Variants in MIPOL1 observed in about 807,000 individuals in gnomAD.
MIPOL1 encodes mirror-image polydactyly gene 1 protein.
In MIPOL1, 57 loss-of-function variants were observed where a neutral mutation model predicts 60.9. The ratio of observed to expected loss-of-function variants is 0.94; its 90% CI spans 0.76 to 1.17. The LOEUF is 1.17. Among genes scored for constraint, MIPOL1 ranks in the 50% most tolerant of loss-of-function variants. MIPOL1 has a pLI of 0.00. For synonymous variants in MIPOL1, 179 were observed against 168.8 expected, an observed-to-expected ratio of 1.06 and a Z score of -0.47; for missense variants, 551 against 511.6, an observed-to-expected ratio of 1.08 and a Z score of -0.74.
intron 11 of MIPOL1, among the ~76,000 whole-genome samples, chr14:37,474,877 A>G (rs2094745708): frequency 6.6e-6 from 1 of 152,178 alleles, no homozygotes; most frequent in South Asian, 2.1e-4. Flanking sequence ...CTCTGATGAC[A>G]TGTTGAGCCT....
chr14:37,226,132 T>C (rs1969690892), intron 1 of MIPOL1, among the ~76,000 whole-genome samples: 1 of 152,186 alleles, frequency 6.6e-6, no homozygotes, highest in Non-Finnish European at 1.5e-5. Flanking sequence ...TCTAGGAAGC[T>C]CAAAACTTTC....
intron 11 of MIPOL1, among the ~76,000 whole-genome samples, chr14:37,434,196 T>C (rs2094125199): frequency 6.6e-6 from 1 of 152,152 alleles, no homozygotes; most frequent in South Asian, 2.1e-4. Context: ...CAGCCTCTGT[T>C]GTTTCCTGGC....
At chr14:37,483,446 A>G (rs778502334) in intron 11 of MIPOL1, among the ~76,000 whole-genome samples, 2 of 152,098 alleles carry the variant, frequency 1.3e-5, no homozygotes, top group South Asian at 4.1e-4. Flanking sequence ...AAAGAAAAAA[A>G]TATTTTTCAT....
At chr14:37,299,450 A>G (rs949546928) in intron 7 of MIPOL1, among the ~76,000 whole-genome samples, 14 of 72,618 alleles carry the variant, frequency 1.9e-4, no homozygotes, top group African/African-American at 5.8e-4. Flanking sequence ...AATAAAAAAA[A>G]ATTAAAAAAA....
chr14:37,460,977 A>T (rs914438930), intron 11 of MIPOL1, among the ~76,000 whole-genome samples: 1 of 152,212 alleles, frequency 6.6e-6, no homozygotes, highest in Non-Finnish European at 1.5e-5. Flanking sequence ...TACCAGCATC[A>T]TATTTCACAG....
chr14:37,244,426 C>T (rs1415561857), intron 1 of MIPOL1, among the ~76,000 whole-genome samples: 1 of 151,888 alleles, frequency 6.6e-6, no homozygotes, highest in Admixed American at 6.6e-5. Flanking sequence ...CCGCCACTTC[C>T]TTTTTTATAT....
At chr14:37,428,442 T>G (rs2094003619) in intron 11 of MIPOL1, among the ~76,000 whole-genome samples, 1 of 151,968 alleles carries the variant, frequency 6.6e-6, no homozygotes, top group African/African-American at 2.4e-5. Flanking sequence ...AATACAAAAT[T>G]TAGCAAGGCA....
intron 11 of MIPOL1, among the ~76,000 whole-genome samples, chr14:37,485,229 T>A (rs2094929392): frequency 6.6e-6 from 1 of 152,214 alleles, no homozygotes; most frequent in Non-Finnish European, 1.5e-5. Flanking sequence ...ATCCAGTCTA[T>A]CACTGATGGG....
chr14:37,519,055 A>G (rs1488727353), intron 12 of MIPOL1, among the ~76,000 whole-genome samples: 1 of 152,196 alleles, frequency 6.6e-6, no homozygotes, highest in Non-Finnish European at 1.5e-5. Context: ...ATGTAGAGAG[A>G]ATGATACAAT....
intron 2 of MIPOL1, among the ~76,000 whole-genome samples, 194 bp from the exon 3 acceptor site, chr14:37,247,635 C>A (rs368004234): frequency 6.6e-6 from 1 of 152,004 alleles, no homozygotes; most frequent in East Asian, 1.9e-4. Flanking sequence ...TACTAAAATA[C>A]AAGTGTGAAG....
In MIPOL1 at chr14:37,285,865, T is replaced by C. The variant is rs1399167703; in HGVS notation, c.623+418T>C. Among the ~76,000 whole-genome samples, 3 of 152,238 alleles carry C rather than the reference T, an allele frequency of 2.0e-5. No homozygotes were observed. In the South Asian group the frequency reaches 6.2e-4, roughly 32 times the overall value. On this transcript the variant is annotated intron_variant, in intron 7 of 12. Coordinates refer to ENST00000684589, the MANE Select transcript of MIPOL1 (RefSeq NM_001388067.1). The stretch of plus-strand genomic sequence containing the variant: ...CCTTAGCCTCCCTCAGTGCTGAGAT[T>C]AGAGGCATGAGCCACCGCGCCCGGC...
chr14:37,483,338 C>G (rs1352897440), intron 11 of MIPOL1, among the ~76,000 whole-genome samples: 2 of 152,086 alleles, frequency 1.3e-5, no homozygotes, highest in African/African-American at 4.8e-5. Flanking sequence ...TGGTCTCAAA[C>G]TCCTGGGCTC....
chr14:37,540,624 T>C (rs373089903), intron 12 of MIPOL1, among the ~76,000 whole-genome samples: 2 of 152,276 alleles, frequency 1.3e-5, no homozygotes, highest in African/African-American at 4.8e-5. Context: ...TTTCCCTCCT[T>C]CTGCTTTTGT....
chr14:37,513,958 T>G (rs180771411), intron 12 of MIPOL1, among the ~76,000 whole-genome samples: 1 of 152,320 alleles, frequency 6.6e-6, no homozygotes, highest in East Asian at 1.9e-4. Flanking sequence ...CTTTTGGTTT[T>G]TATTAATGCC....
chr14:37,500,243 T>G, intron 12 of MIPOL1, 105 bp downstream of exon 12: 2 of 831,708 alleles, frequency 2.4e-6, no homozygotes, highest in Middle Eastern at 2.6e-4. Context: ...GTTAATAGTT[T>G]AGAACAAAAG....
intron 10 of MIPOL1, chr14:37,396,865 T>C (rs2093381426): frequency 6.6e-6 from 1 of 152,186 alleles, no homozygotes; most frequent in Non-Finnish European, 1.5e-5. Flanking sequence ...TCCTTGAATA[T>C]TTCTCCCTTC....
At position 37,495,719 on chromosome 14, in the gene MIPOL1, A is replaced by G. The variant is rs1026053664; in HGVS notation, c.1032-4189A>G. Among the ~76,000 whole-genome samples the G allele has an allele frequency of 6.2e-5, 9 of 144,806 alleles. No homozygotes were observed. The East Asian group carries it at 1.7e-3, about 27-fold the overall frequency. 95.0% of individuals were successfully genotyped at this position (144,806 alleles called of 152,430 possible). ...AGGAATCGCCACACTGTCTTCCACA[A>G]TGGTTGAACTAGTTTACAGTCCCAC... On this transcript the variant is annotated intron_variant, in intron 11 of 12. Coordinates refer to ENST00000684589, the MANE Select transcript of MIPOL1 (RefSeq NM_001388067.1).
At chr14:37,304,601 G>A (rs1005099301) in intron 7 of MIPOL1, among the ~76,000 whole-genome samples, 1 of 151,804 alleles carries the variant, frequency 6.6e-6, no homozygotes, top group Non-Finnish European at 1.5e-5. Flanking sequence ...TCAGAAAAAT[G>A]TGAAATTTGT....
At chr14:37,390,151 G>A (rs1173484810) in intron 10 of MIPOL1, among the ~76,000 whole-genome samples, 3 of 151,930 alleles carry the variant, frequency 2.0e-5, no homozygotes, top group African/African-American at 7.3e-5. Flanking sequence ...CCTAGGAGGT[G>A]GAGGTTGCAG....
Sources: gnomAD v4.1 joint callset for allele counts (sites outside exome capture counted in the v4.1 genomes callset) on GRCh38, gnomAD v4.1.1 for gene constraint, MANE v1.5 for transcripts, NCBI Gene and HGNC (gene_info 2026-07-23, HGNC 2026-07-21) for gene names.